Variants in NFKB2 observed in about 807,000 individuals in gnomAD.
NFKB2 encodes nuclear factor NF-kappa-B p100 subunit.
Under a neutral mutation model 109.3 loss-of-function variants are expected in NFKB2, and 21 were observed. The ratio of observed to expected loss-of-function variants is 0.19; its 90% CI spans 0.14 to 0.28. The LOEUF is 0.28. Ranked by LOEUF, NFKB2 falls within the 10% of genes least tolerant of loss-of-function variation. The pLI is 1.00. For missense variants in NFKB2, 806 were observed against 1,185.3 expected, an observed-to-expected ratio of 0.68 and a Z score of 4.70; for synonymous variants, 478 against 489.9, an observed-to-expected ratio of 0.98 and a Z score of 0.32.
rs370996972 is a variant in NFKB2 at position 102,398,578 on chromosome 10, A to G, written c.991+55A>G. 2.5e-6 allele frequency: 4 copies of G among 1,609,188 alleles called. No homozygotes were observed. The highest frequency in any genetic ancestry group is 2.7e-5 in the African/African-American group (2 of 74,934). Reference sequence around the variant, plus strand: ...TGGCGGGGGGCCAGGCTGGGCTAGAAGAAGGTCCCAAGAGCTAGATGTGGG... The same window carrying G: ...TGGCGGGGGGCCAGGCTGGGCTAGAGGAAGGTCCCAAGAGCTAGATGTGGG... On this transcript the variant is annotated intron_variant, in intron 11 of 22. Coordinates refer to ENST00000661543, the MANE Select transcript of NFKB2 (RefSeq NM_001322934.2). The surrounding 1 kb of genome is among the most constrained non-coding windows in gnomAD (Gnocchi z 6.6).
Position 102,399,658 on chromosome 10 carries a change from C to T in NFKB2, c.1409C>T (p.Ala470Val). Residue 470 changes from alanine to valine, a missense_variant, in exon 14 of 23, where the codon GCG becomes GTG. Around this residue, in one of 10 missense-constraint regions of NFKB2, gnomAD observed 209 missense variants for 211.9 expected, o/e 0.99. Transcript: ENST00000661543. ...ALLDYGVTAD[A>V]RALLAGQRHL... ...CTCGACTACGGCGTCACCGCGGACGCGCGCGCGCTGCTGGCGGGACAGCGC... is the reference window on the plus strand; with the variant it reads ...CTCGACTACGGCGTCACCGCGGACGTGCGCGCGCTGCTGGCGGGACAGCGC... 1 of 1,532,778 alleles carries T rather than the reference C, an allele frequency of 6.5e-7. No individual in the cohort carries two copies. Among genetic ancestry groups the T allele is most frequent in the East Asian group, 2.5e-5 (1 of 40,306 alleles). The allele number at this position is 1,532,778 out of a possible 1,614,324, so 94.9% of individuals were successfully genotyped here. A position where few individuals can be genotyped will look rare whatever the true frequency, so the allele number is the denominator to read the frequency against.
intron 14 of NFKB2, 136 bp downstream of exon 14, chr10:102,399,854 G>A: frequency 1.5e-6 from 2 of 1,334,594 alleles, no homozygotes; most frequent in Non-Finnish European, 9.9e-7. Flanking sequence ...TGTTCAAGCT[G>A]CTTGGTCTCT....
At chr10:102,395,826 ATCT>A in intron 1 of NFKB2, 30 bp downstream of exon 1, 1 of 20,386 alleles carries the variant, frequency 4.9e-5, no homozygotes, top group East Asian at 6.2e-4. Context: ...CTGGGCCCCC[ATCT>A]CCCGCCCACC....
chr10:102,397,791 T>C lies in NFKB2; in HGVS notation c.661+106T>C. On this transcript the variant is annotated intron_variant, in intron 8 of 22. Transcript: ENST00000661543. This position sits in a 1 kb window ranked among gnomAD's most constrained non-coding sequence, Gnocchi z 4.7. ...AGACCCAGGTTTCAGAACCTGGCCC[T>C]GCCACATATGAGCTGAGTGATCCTG... is the stretch of plus-strand genomic sequence containing the variant. 1 of 1,408,244 alleles carries C rather than the reference T, an allele frequency of 7.1e-7. No individual in the cohort carries two copies. The highest frequency in any genetic ancestry group is 9.8e-7 in the Non-Finnish European group (1 of 1,021,686). 87.2% of individuals were successfully genotyped at this position (1,408,244 alleles called of 1,614,324 possible).
In NFKB2 at chr10:102,399,333, A is replaced by G. The variant is rs758025082; in HGVS notation, c.1163A>G (p.Tyr388Cys). Reference protein sequence around the residue: ...FFPSSLAYSPYQSGAGPMGCY... With the variant: ...FFPSSLAYSPCQSGAGPMGCY... ...CCCTCCTCCCTGGCCTACAGCCCCT[A>G]CCAGTCCGGCGCGGGCCCCATGGGC... is the stretch of plus-strand genomic sequence containing the variant. The change falls in exon 13 of 23, where the codon TAC (tyrosine) becomes TGC (cysteine). Residue 388 changes from tyrosine (Y) to cysteine (C), a missense_variant. Coordinates refer to ENST00000661543, the MANE Select transcript of NFKB2 (RefSeq NM_001322934.2). 2.5e-5 allele frequency: 40 copies of G among 1,585,326 alleles called. No homozygotes were observed. The highest frequency in any genetic ancestry group is 3.4e-5 in the Non-Finnish European group (40 of 1,168,040).
In NFKB2 at chr10:102,397,797, A is replaced by G; in HGVS notation, c.661+112A>G. The G allele has an allele frequency of 7.2e-7, 1 of 1,386,466 alleles. No individual in the cohort carries two copies. The highest frequency in any genetic ancestry group is 2.6e-4 in the Middle Eastern group (1 of 3,830). The allele number at this position is 1,386,466 out of a possible 1,614,324, so 85.9% of individuals were successfully genotyped here. A position where few individuals can be genotyped will look rare whatever the true frequency, so the allele number is the denominator to read the frequency against. ...AGGTTTCAGAACCTGGCCCTGCCAC[A>G]TATGAGCTGAGTGATCCTGAGCAAG... On this transcript the variant is annotated intron_variant, in intron 8 of 22. Coordinates refer to ENST00000661543, the MANE Select transcript of NFKB2 (RefSeq NM_001322934.2). This position sits in a 1 kb window ranked among gnomAD's most constrained non-coding sequence, Gnocchi z 4.7.
At position 102,399,733 on chromosome 10, in the gene NFKB2, G is replaced by T; in HGVS notation, c.1469+15G>T. On this transcript the variant is annotated intron_variant, in intron 14 of 22. Transcript: ENST00000661543. ...AACGGAGACACGTAGGCAACAGAGG[G>T]CCTGGCGGACGAGGCGCGGGGTGGG... 1 of 1,452,874 alleles carries T rather than the reference G, an allele frequency of 6.9e-7. No homozygotes were observed. The allele number at this position is 1,452,874 out of a possible 1,614,324, so 90.0% of individuals were successfully genotyped here. A position where few individuals can be genotyped will look rare whatever the true frequency, so the allele number is the denominator to read the frequency against.
rs1431759080 is a variant in NFKB2, at chr10:102,398,374, G to A, written c.853-11G>A. ...ACTCACTGACACCCTGTGTCTCCCT[G>A]CACCCCCCAGTATGCCATTGTGTTC... On this transcript the variant is annotated splice_polypyrimidine_tract_variant and intron_variant, in intron 10 of 22. Transcript: ENST00000661543. The surrounding 1 kb of genome is among the most constrained non-coding windows in gnomAD (Gnocchi z 6.6). 1.9e-6 allele frequency: 3 copies of A among 1,613,842 alleles called. No individual in the cohort carries two copies. The highest frequency in any genetic ancestry group is 2.5e-6 in the Non-Finnish European group (3 of 1,179,934).
Position 102,396,368 on chromosome 10 carries a change from AGCGG to A in NFKB2, c.103+36_103+39del. On this transcript the variant is annotated intron_variant, in intron 3 of 22. Coordinates refer to ENST00000661543, the MANE Select transcript of NFKB2 (RefSeq NM_001322934.2). This position sits in a 1 kb window ranked among gnomAD's most constrained non-coding sequence, Gnocchi z 5.9. ...GTTCACTAACCTCCCCTAGTCCTAA[AGCGG>A]GGGAGGGAGAGCATGTGCCCTCTCT... The A allele has an allele frequency of 6.2e-7, 1 of 1,613,826 alleles. No individual in the cohort carries two copies. The highest frequency in any genetic ancestry group is 1.3e-5 in the African/African-American group (1 of 75,038).
rs1290529385 is a variant in NFKB2 at position 102,401,851 on chromosome 10, G to GC, written c.2401dup (p.Arg801ProfsTer37). ...CAGAGCTGGCAGAGCGTCTGGGGCT[G>GC]CGCAGCCTGGTAGACACGTACCGAC... On this transcript the variant is annotated frameshift_variant, in exon 21 of 23. Coordinates refer to ENST00000661543, the MANE Select transcript of NFKB2 (RefSeq NM_001322934.2). LOFTEE classifies it high-confidence loss of function. The surrounding 1 kb of genome is among the most constrained non-coding windows in gnomAD (Gnocchi z 4.2). 6.2e-7 allele frequency: 1 copy of GC among 1,613,822 alleles called. No individual in the cohort carries two copies. The highest frequency in any genetic ancestry group is 8.5e-7 in the Non-Finnish European group (1 of 1,179,970).
chr10:102,399,982 C>G, intron 14 of NFKB2, 98 bp from the exon 15 acceptor site: 2 of 1,297,806 alleles, frequency 1.5e-6, no homozygotes, highest in South Asian at 2.5e-5. Flanking sequence ...GTGCTGGGTT[C>G]CATGGGCCCC....
chr10:102,401,873 C>G lies in NFKB2; in HGVS notation c.2422C>G (p.Arg808Gly). ...GCTGCGCAGCCTGGTAGACACGTAC[C>G]GACAGACAACCTCACCCAGTGGCAG... Reference protein sequence around the residue: ...LGLRSLVDTYRQTTSPSGSLL... With the variant: ...LGLRSLVDTYGQTTSPSGSLL... Residue 808 changes from arginine to glycine, a missense_variant, in exon 21 of 23, where the codon CGA (arginine) becomes GGA (glycine). Transcript: ENST00000661543. This position sits in a 1 kb window ranked among gnomAD's most constrained non-coding sequence, Gnocchi z 4.2. 1 of 1,613,752 alleles carries G rather than the reference C, an allele frequency of 6.2e-7. No homozygotes were observed. Among genetic ancestry groups the G allele is most frequent in the Non-Finnish European group, 8.5e-7 (1 of 1,179,872 alleles).
rs199513883 is a variant in NFKB2, at chr10:102,395,993, G to A, written c.21+13G>A. 4.4e-3 allele frequency: 7,168 copies of A among 1,612,044 alleles called. 17 individuals carry two copies. The highest frequency in any genetic ancestry group is 5.7e-3 in the Non-Finnish European group (6,690 of 1,179,938). On this transcript the variant is annotated intron_variant, in intron 2 of 22. Coordinates refer to ENST00000661543, the MANE Select transcript of NFKB2 (RefSeq NM_001322934.2). Reference sequence around the variant, plus strand: ...TTGCTACAACCCAGTGAGTCATGCCGCCTGCCCCTGACCCGGCCGGCTGCC... The same window carrying A: ...TTGCTACAACCCAGTGAGTCATGCCACCTGCCCCTGACCCGGCCGGCTGCC...
rs2135429515 is a variant in NFKB2 at position 102,396,802 on chromosome 10, A to T, written c.222A>T (p.Arg74=). The T allele has an allele frequency of 6.2e-7, 1 of 1,612,850 alleles. No homozygotes were observed. Among genetic ancestry groups the T allele is most frequent in the East Asian group, 2.2e-5 (1 of 44,812 alleles). The change falls in exon 5 of 23, where the codon CGA becomes CGT. Residue 74 remains arginine, a synonymous_variant. Transcript: ENST00000661543. This position sits in a 1 kb window ranked among gnomAD's most constrained non-coding sequence, Gnocchi z 5.9. ...GLPGASSEKG[R]KTYPTVKICN... is the part of the protein sequence containing the mutation. ...CCGGTGCCTCCAGTGAGAAGGGCCG[A>T]AAGACCTATCCCACTGTCAAGGTGA...
rs1054019822 is a variant in NFKB2 at position 102,401,372 on chromosome 10, G to A, written c.2223+41G>A. On this transcript the variant is annotated intron_variant, in intron 19 of 22. Transcript: ENST00000661543. The surrounding 1 kb of genome is among the most constrained non-coding windows in gnomAD (Gnocchi z 4.2). Reference sequence around the variant, plus strand: ...GACTAGAAGTGCTCTGAGTGACGGGGTCCAGAGTATCTGGACTTAAAGACA... The same window carrying A: ...GACTAGAAGTGCTCTGAGTGACGGGATCCAGAGTATCTGGACTTAAAGACA... 2.5e-6 allele frequency: 4 copies of A among 1,611,356 alleles called. No individual in the cohort carries two copies. Among genetic ancestry groups the A allele is most frequent in the Non-Finnish European group, 2.5e-6 (3 of 1,178,364 alleles).
Position 102,398,079 on chromosome 10 carries a change from C to G in NFKB2, c.760C>G (p.Gln254Glu). 1 of 1,614,064 alleles carries G rather than the reference C, an allele frequency of 6.2e-7. No individual in the cohort carries two copies. Among genetic ancestry groups the G allele is most frequent in the Non-Finnish European group, 8.5e-7 (1 of 1,179,990 alleles). ...AGTTTATCTGCTTTGTGACAAGGTG[C>G]AGAAAGGTGAGACTGGAGCCCACTT... ...DEVYLLCDKV[Q>E]KDDIEVRFYE... is the part of the protein sequence containing the mutation. Residue 254 changes from glutamine (Q) to glutamate (E), a missense_variant, in exon 9 of 23, where the codon CAG becomes GAG. Around this residue, in one of 10 missense-constraint regions of NFKB2, gnomAD observed 64 missense variants for 177.4 expected, o/e 0.36. Coordinates refer to ENST00000661543, the MANE Select transcript of NFKB2 (RefSeq NM_001322934.2). The surrounding 1 kb of genome is among the most constrained non-coding windows in gnomAD (Gnocchi z 6.6).
At position 102,396,249 on chromosome 10, in the gene NFKB2, C is replaced by T. The variant is rs1243330836; in HGVS notation, c.22-4C>T. On this transcript the variant is annotated splice_region_variant and splice_polypyrimidine_tract_variant and intron_variant, in intron 2 of 22. Transcript: ENST00000661543. The surrounding 1 kb of genome is among the most constrained non-coding windows in gnomAD (Gnocchi z 5.9). Reference sequence around the variant, plus strand: ...ATGCCACCCCCAGTCTGTCTCCAAACCAGGGTCTGGATGGTATTATTGAAT... The same window carrying T: ...ATGCCACCCCCAGTCTGTCTCCAAATCAGGGTCTGGATGGTATTATTGAAT... 1 of 1,601,486 alleles carries T rather than the reference C, an allele frequency of 6.2e-7. No individual in the cohort carries two copies. The highest frequency in any genetic ancestry group is 8.5e-7 in the Non-Finnish European group (1 of 1,169,784).
Position 102,396,460 on chromosome 10 carries a change from T to C in NFKB2, c.115T>C (p.Tyr39His). 2 of 1,614,078 alleles carry C rather than the reference T, an allele frequency of 1.2e-6. No homozygotes were observed. Among genetic ancestry groups the C allele is most frequent in the Non-Finnish European group, 8.5e-7 (1 of 1,179,980 alleles). The change falls in exon 4 of 23, where the codon TAC becomes CAC. Residue 39 changes from tyrosine (Y) to histidine (H), a missense_variant. This residue lies in a region of NFKB2 where 24 missense variants were observed against 105.2 expected (regional missense o/e 0.23). Coordinates refer to ENST00000661543, the MANE Select transcript of NFKB2 (RefSeq NM_001322934.2). The surrounding 1 kb of genome is among the most constrained non-coding windows in gnomAD (Gnocchi z 5.9). ...CTCTCTGTCCCCAGCTGATGGCCCC[T>C]ACCTGGTGATCGTGGAACAGCCTAA... ...EPAPETADGP[Y>H]LVIVEQPKQR...
chr10:102,400,749 G>A lies in NFKB2; in HGVS notation c.1893G>A (p.Arg631=), dbSNP rs1478008332. 1.2e-6 allele frequency: 2 copies of A among 1,613,318 alleles called. No individual in the cohort carries two copies. The highest frequency in any genetic ancestry group is 1.1e-5 in the South Asian group (1 of 90,946). The change falls in exon 17 of 23, where the codon CGG becomes CGA. Residue 631 remains arginine (R), a synonymous_variant. Coordinates refer to ENST00000661543, the MANE Select transcript of NFKB2 (RefSeq NM_001322934.2). The surrounding 1 kb of genome is among the most constrained non-coding windows in gnomAD (Gnocchi z 6.3). ...GGGCTGAAGTGGAGGCCACAGAGCG[G>A]CAGGGGGGACGAACAGCCTTGCATC... ...DSGAEVEATE[R]QGGRTALHLA... is the part of the protein sequence containing the mutation.
Sources: gnomAD v4.1 joint callset for allele counts on GRCh38, gnomAD v4.1.1 for gene constraint, gnomAD v4.1.1 regional missense constraint, Gnocchi (gnomAD v3.1) non-coding constraint, MANE v1.5 for transcripts, NCBI Gene and HGNC (gene_info 2026-07-23, HGNC 2026-07-21) for gene names.